The following SPMIP2 variants were observed in gnomAD, a reference collection of about 807,000 sequenced individuals.
The protein encoded by SPMIP2 is protein SPMIP2.
chr4:159,056,674 A>C, the SPMIP2 span, among the ~76,000 whole-genome samples: 1 of 152,224 alleles, frequency 6.6e-6, no homozygotes, highest in Non-Finnish European at 1.5e-5. Flanking sequence ...TCAAGCTGGA[A>C]AGGCTTCCTA....
chr4:158,966,305 T>C, the SPMIP2 span, among the ~76,000 whole-genome samples: 1 of 152,224 alleles, frequency 6.6e-6, no homozygotes, highest in Non-Finnish European at 1.5e-5. Flanking sequence ...CCTGGGAGTG[T>C]TGTATATGAA....
At chr4:158,973,355 C>T in the SPMIP2 span, 1 of 1,242,850 alleles carries the variant, frequency 8.0e-7, no homozygotes, top group East Asian at 2.4e-5. Flanking sequence ...ACACTTTATT[C>T]TAAGATACTT....
the SPMIP2 span, chr4:158,915,221 C>G: frequency 6.2e-7 from 1 of 1,613,492 alleles, no homozygotes; most frequent in Non-Finnish European, 8.5e-7. Flanking sequence ...AAGCTCTTGG[C>G]AATGATGACT....
chr4:159,051,646 T>A, the SPMIP2 span, among the ~76,000 whole-genome samples: 19 of 152,260 alleles, frequency 1.2e-4, no homozygotes, highest in African/African-American at 3.6e-4. Flanking sequence ...TTTCTCTCTT[T>A]CATTCTTTTG....
the SPMIP2 span, among the ~76,000 whole-genome samples, chr4:159,008,917 A>C: frequency 1.3e-5 from 2 of 152,230 alleles, no homozygotes; most frequent in Non-Finnish European, 2.9e-5. Context: ...CCATGAATGA[A>C]GTGAATTTGA....
the SPMIP2 span, among the ~76,000 whole-genome samples, chr4:159,013,316 G>C: frequency 2.8e-4 from 42 of 152,286 alleles, no homozygotes; most frequent in Middle Eastern, 3.4e-3. Context: ...CAATAGCCAA[G>C]AGGTACAGAG....
At chr4:159,004,998 C>T in the SPMIP2 span, among the ~76,000 whole-genome samples, 10 of 151,960 alleles carry the variant, frequency 6.6e-5, no homozygotes, top group Middle Eastern at 3.4e-3. Flanking sequence ...TTTGGGAGGT[C>T]GAGGCAAGCG....
At chr4:158,909,252 C>A in the SPMIP2 span, 1 of 151,942 alleles carries the variant, frequency 6.6e-6, no homozygotes, top group Non-Finnish European at 1.5e-5. Flanking sequence ...CAACATAATG[C>A]CATACTGAGT....
the SPMIP2 span, chr4:159,064,381 A>G: frequency 6.6e-6 from 1 of 152,242 alleles, no homozygotes; most frequent in Non-Finnish European, 1.5e-5. Context: ...GACATAACTC[A>G]TCACCTTCAG....
the SPMIP2 span, among the ~76,000 whole-genome samples, chr4:158,956,051 G>C: frequency 6.7e-6 from 1 of 150,132 alleles, no homozygotes; most frequent in Admixed American, 6.7e-5. Context: ...TGATTTCTTT[G>C]TTTCCTTGCA....
At chr4:158,898,632 CTCTG>C in the SPMIP2 span, among the ~76,000 whole-genome samples, 15 of 152,126 alleles carry the variant, frequency 9.9e-5, no homozygotes, top group South Asian at 2.1e-4. Context: ...TGATTTGGCT[CTCTG>C]TCTGTTATTG....
chr4:159,036,263 G>A, the SPMIP2 span, among the ~76,000 whole-genome samples: 1 of 152,228 alleles, frequency 6.6e-6, no homozygotes, highest in South Asian at 2.1e-4. Context: ...GCAAAGAGAT[G>A]TGCTACTCAG....
chr4:159,079,048 G>A, the SPMIP2 span, among the ~76,000 whole-genome samples: 1 of 152,114 alleles, frequency 6.6e-6, no homozygotes, highest in African/African-American at 2.4e-5. Flanking sequence ...AACCTGGGAG[G>A]TGGAGGTCGC....
chr4:158,939,411 C>T, the SPMIP2 span, among the ~76,000 whole-genome samples: 94,073 of 152,042 alleles, frequency 0.62, 30,128 homozygotes, highest in East Asian at 0.88. Context: ...CTAATCTCCA[C>T]ACCACCCCAT....
chr4:158,893,630 A>T, the SPMIP2 span: 4 of 1,330,478 alleles, frequency 3.0e-6, no homozygotes, highest in African/African-American at 4.4e-5. Context: ...GATTATTATG[A>T]TCTTATTTTT....
At chr4:159,020,159 C>G in the SPMIP2 span, among the ~76,000 whole-genome samples, 2 of 151,892 alleles carry the variant, frequency 1.3e-5, no homozygotes, top group African/African-American at 4.8e-5. Context: ...CCTTTGGTAG[C>G]AATTTTTAAT....
chr4:159,032,952 T>C, the SPMIP2 span, among the ~76,000 whole-genome samples: 192 of 152,306 alleles, frequency 1.3e-3, no homozygotes, highest in African/African-American at 4.4e-3. Context: ...CCTAGGTATT[T>C]ACCAAATTGA....
chr4:158,999,197 CA>C, the SPMIP2 span, among the ~76,000 whole-genome samples: 4 of 149,344 alleles, frequency 2.7e-5, no homozygotes, highest in African/African-American at 9.9e-5. Context: ...AAAAAAAACC[CA>C]AAAAAACCCA....
the SPMIP2 span, among the ~76,000 whole-genome samples, chr4:158,917,899 A>G: frequency 7.2e-3 from 1,092 of 151,738 alleles, 11 homozygotes; most frequent in Middle Eastern, 0.017. Context: ...TTGTATTTTT[A>G]GTAGAGACAG....
Sources: allele counts gnomAD v4.1 joint callset (sites outside exome capture counted in the v4.1 genomes callset), GRCh38; gene constraint gnomAD v4.1.1; transcripts MANE v1.5; gene names NCBI Gene and HGNC (gene_info 2026-07-23, HGNC 2026-07-21).